The following TMTC1 variants were observed in gnomAD, a reference collection of about 807,000 sequenced individuals.
TMTC1 encodes protein O-mannosyl-transferase TMTC1.
Under a neutral mutation model 104.8 loss-of-function variants are expected in TMTC1, and 73 were observed. The observed-to-expected ratio is 0.70, with a 90% CI of 0.58 to 0.85. The LOEUF (loss-of-function observed/expected upper bound fraction) is 0.85. TMTC1 is among the 40% of genes least tolerant of loss of function. TMTC1 has a pLI of 0.00. For synonymous variants in TMTC1, 434 were observed against 428.7 expected (o/e 1.01, Z -0.15); for missense variants, 1,035 against 1,096.1 (o/e 0.94, Z 0.79).
At chr12:29,541,979 T>C (rs1456891621) in intron 10 of TMTC1, among the ~76,000 whole-genome samples, 1 of 152,172 alleles carries the variant, frequency 6.6e-6, no homozygotes, top group Non-Finnish European at 1.5e-5. Context: ...TTTAATCTAA[T>C]AATTATCATA....
chr12:29,738,915 G>A (rs1942753255), intron 5 of TMTC1, among the ~76,000 whole-genome samples: 1 of 152,074 alleles, frequency 6.6e-6, no homozygotes, highest in African/African-American at 2.4e-5. Flanking sequence ...CTATAAAAAT[G>A]GGTAAAGAAA....
At chr12:29,633,377 C>T in intron 5 of TMTC1, 41 bp from the exon 6 acceptor site, 2 of 1,496,254 alleles carry the variant, frequency 1.3e-6, no homozygotes, top group African/African-American at 1.4e-5. Context: ...TGCTCAAGAA[C>T]CATGACATTC....
At chr12:29,608,643 T>A (rs559472012) in intron 6 of TMTC1, among the ~76,000 whole-genome samples, 5 of 152,202 alleles carry the variant, frequency 3.3e-5, no homozygotes, top group African/African-American at 1.2e-4. Flanking sequence ...CTATTATAGG[T>A]GTTAGGTTTG....
chr12:29,526,850 G>A (rs753259125), intron 11 of TMTC1, among the ~76,000 whole-genome samples: 4 of 151,938 alleles, frequency 2.6e-5, no homozygotes, highest in Non-Finnish European at 4.4e-5. Context: ...TAATTATGAT[G>A]GATAACATAC....
chr12:29,615,072 C>T (rs2136439887), intron 6 of TMTC1, among the ~76,000 whole-genome samples: 1 of 152,310 alleles, frequency 6.6e-6, no homozygotes, highest in Middle Eastern at 3.4e-3. Context: ...CTTTTTCATA[C>T]CAAATGCCAG....
rs1449790513 is a variant in TMTC1 at position 29,506,887 on chromosome 12, C to A, written c.2608G>T (p.Glu870Ter). 6.2e-7 allele frequency: 1 copy of A among 1,614,096 alleles called. No homozygotes were observed. The highest frequency in any genetic ancestry group is 8.5e-7 in the Non-Finnish European group (1 of 1,179,992). Reference sequence around the variant, plus strand: ...TCTCGAACTTCTTGTAATCGTTTTTCTAGGCGATCCAATTTGGCAAGATTT... The same window carrying A: ...TCTCGAACTTCTTGTAATCGTTTTTATAGGCGATCCAATTTGGCAAGATTT... ...KENLAKLDRLEKRLQEVREKD... is the reference protein window; with the variant it reads ...KENLAKLDRL The change falls in exon 18 of 18, where the codon GAA (glutamate) becomes TAA (stop). Residue 870 changes from glutamate to a stop codon, truncating the protein, a stop_gained. Coordinates refer to ENST00000539277, the MANE Select transcript of TMTC1 (RefSeq NM_001193451.2). LOFTEE classifies it high-confidence loss of function.
chr12:29,737,591 G>A (rs1245958400), intron 5 of TMTC1, among the ~76,000 whole-genome samples: 1 of 152,196 alleles, frequency 6.6e-6, no homozygotes, highest in Non-Finnish European at 1.5e-5. Context: ...ACAGATTCCT[G>A]CTCCCAGGAG....
At chr12:29,759,733 C>T (rs1343763826) in intron 2 of TMTC1, among the ~76,000 whole-genome samples, 1 of 152,108 alleles carries the variant, frequency 6.6e-6, no homozygotes, top group African/African-American at 2.4e-5. Flanking sequence ...CTGGGGAAAT[C>T]CAAGAGGAGC....
chr12:29,710,865 T>A (rs1366341279), intron 5 of TMTC1, among the ~76,000 whole-genome samples: 1 of 136,364 alleles, frequency 7.3e-6, no homozygotes, highest in East Asian at 2.0e-4. Context: ...ATATATTAAT[T>A]ATATTATTAT....
At chr12:29,579,702 T>C (rs1438871611) in intron 8 of TMTC1, among the ~76,000 whole-genome samples, 6 of 152,172 alleles carry the variant, frequency 3.9e-5, no homozygotes, top group African/African-American at 9.6e-5. Flanking sequence ...CAAACAAATG[T>C]AGGGTTCTGG....
At chr12:29,763,227 T>C (rs1943392583) in intron 2 of TMTC1, among the ~76,000 whole-genome samples, 1 of 152,220 alleles carries the variant, frequency 6.6e-6, no homozygotes, top group African/African-American at 2.4e-5. Context: ...TAGTGTCCCT[T>C]GCAGGAGAAG....
chr12:29,783,304 T>A lies in TMTC1; in HGVS notation c.302+146A>T. 2 of 724,352 alleles carry A rather than the reference T, an allele frequency of 2.8e-6. No individual in the cohort carries two copies. The highest frequency in any genetic ancestry group is 3.8e-6 in the Non-Finnish European group (2 of 523,362). The allele number at this position is 724,352 out of a possible 1,614,324, so 44.9% of individuals were successfully genotyped here. ...CAGTGGATCCCGGAGCAAAGTGCCA[T>A]GCACATCCTGGAGAGGAGGGAGGCG... On this transcript the variant is annotated intron_variant, in intron 1 of 17. Transcript: ENST00000539277. The surrounding 1 kb of genome is among the most constrained non-coding windows in gnomAD (Gnocchi z 4.7).
chr12:29,770,782 A>G (rs302319), intron 1 of TMTC1, among the ~76,000 whole-genome samples: 138,519 of 152,134 alleles, frequency 0.91, 63,705 homozygotes, highest in East Asian at 0.99. Flanking sequence ...ACAGACAAGT[A>G]AGCTTGAGAC....
chr12:29,545,247 C>G (rs1453990849), intron 10 of TMTC1, among the ~76,000 whole-genome samples: 1 of 152,038 alleles, frequency 6.6e-6, no homozygotes, highest in Non-Finnish European at 1.5e-5. Flanking sequence ...TTTTCTTTTA[C>G]TTCTCAGTTA....
chr12:29,580,513 T>C (rs1321164696), intron 8 of TMTC1, among the ~76,000 whole-genome samples: 2 of 152,260 alleles, frequency 1.3e-5, no homozygotes, highest in South Asian at 4.2e-4. Context: ...AGATTGCTCA[T>C]GGAATGGTCA....
At chr12:29,655,358 A>G (rs957230862) in intron 5 of TMTC1, among the ~76,000 whole-genome samples, 1 of 152,236 alleles carries the variant, frequency 6.6e-6, no homozygotes, top group African/African-American at 2.4e-5. Flanking sequence ...TTGGCAAATC[A>G]GTAACAATTT....
chr12:29,589,153 T>C lies in TMTC1; in HGVS notation c.1251-5579A>G, dbSNP rs139358834. ...GAATACATATTTGACTATTCCCCTA[T>C]CTGCTCCTTTTCTCTGGCAACATGT... On this transcript the variant is annotated intron_variant, in intron 7 of 17. Transcript: ENST00000539277. Among the ~76,000 whole-genome samples the C allele has an allele frequency of 8.3e-3, 1,261 of 152,334 alleles. 25 individuals are homozygous for C. Among genetic ancestry groups the C allele is most frequent in the African/African-American group, 0.029 (1,196 of 41,576 alleles).
At chr12:29,717,212 T>C (rs1462712229) in intron 5 of TMTC1, among the ~76,000 whole-genome samples, 1 of 152,224 alleles carries the variant, frequency 6.6e-6, no homozygotes, top group African/African-American at 2.4e-5. Context: ...ATACTCTTTG[T>C]AAATACTGAG....
intron 11 of TMTC1, among the ~76,000 whole-genome samples, chr12:29,531,551 T>C (rs10771545): frequency 0.19 from 28,994 of 152,146 alleles, 3,145 homozygotes; most frequent in East Asian, 0.38. Flanking sequence ...GCTACTGCAA[T>C]GCAAAGCTAT....
Sources: allele counts gnomAD v4.1 joint callset (sites outside exome capture counted in the v4.1 genomes callset), GRCh38; gene constraint gnomAD v4.1.1; non-coding constraint Gnocchi (gnomAD v3.1); transcripts MANE v1.5; gene names NCBI Gene and HGNC (gene_info 2026-07-23, HGNC 2026-07-21).